The following SUMF1 variants were observed in gnomAD, a reference collection of about 807,000 sequenced individuals.
The protein encoded by SUMF1 is formylglycine-generating enzyme.
In SUMF1, 48 loss-of-function variants were observed where a neutral mutation model predicts 47.6. That is an observed-to-expected ratio of 1.01 (90% CI 0.80 to 1.28). The LOEUF is 1.28. Among genes scored for constraint, SUMF1 ranks in the 50% most tolerant of loss-of-function variants. The probability of loss-of-function intolerance (pLI) is 0.00; values close to 1 mark genes in which losing one functional copy is unlikely to be tolerated. For missense variants in SUMF1, 571 were observed against 485.4 expected, an observed-to-expected ratio of 1.18 and a Z score of -1.66; for synonymous variants, 230 against 192.1, an observed-to-expected ratio of 1.20 and a Z score of -1.63.
chr3:4,053,283 T>C (rs1234006743), intron 9 of SUMF1, among the ~76,000 whole-genome samples: 1 of 152,144 alleles, frequency 6.6e-6, no homozygotes, highest in Non-Finnish European at 1.5e-5. Flanking sequence ...CCGTCTTTTA[T>C]GGACATGGTT....
chr3:4,219,835 C>T (rs1329524498), intron 8 of SUMF1, among the ~76,000 whole-genome samples: 1 of 152,138 alleles, frequency 6.6e-6, no homozygotes, highest in East Asian at 1.9e-4. Flanking sequence ...CAAGCTCTCC[C>T]AAGCTGAATC....
intron 7 of SUMF1, among the ~76,000 whole-genome samples, chr3:4,382,026 A>T (rs1700519578): frequency 6.6e-6 from 1 of 152,178 alleles, no homozygotes. Context: ...AGCCTAGACA[A>T]CAGGAATGAG....
intron 8 of SUMF1, among the ~76,000 whole-genome samples, chr3:4,279,428 C>G (rs1379366896): frequency 1.1e-4 from 16 of 152,128 alleles, no homozygotes; most frequent in Admixed American, 1.0e-3. Context: ...TTATGACACA[C>G]AATCATACAA....
chr3:4,181,946 C>T (rs546287057), intron 8 of SUMF1, among the ~76,000 whole-genome samples: 1 of 152,260 alleles, frequency 6.6e-6, no homozygotes, highest in Admixed American at 6.5e-5. Context: ...AGAACCTGGC[C>T]TTCCAAGTCA....
chr3:4,114,089 G>A (rs1347445527), intron 8 of SUMF1, among the ~76,000 whole-genome samples: 1 of 151,984 alleles, frequency 6.6e-6, no homozygotes, highest in African/African-American at 2.4e-5. Context: ...GTAGAAGGTG[G>A]GAGATGTCCC....
chr3:4,119,346 G>C (rs58692911), intron 8 of SUMF1, among the ~76,000 whole-genome samples: 1 of 151,988 alleles, frequency 6.6e-6, no homozygotes, highest in African/African-American at 2.4e-5. Flanking sequence ...TCATTATCAG[G>C]ATAATTTTCT....
chr3:4,218,894 T>G (rs1228590855), intron 8 of SUMF1, among the ~76,000 whole-genome samples: 1 of 152,180 alleles, frequency 6.6e-6, no homozygotes, highest in African/African-American at 2.4e-5. Context: ...TGTGGGTTTT[T>G]CTTAAGCTTT....
intron 8 of SUMF1, among the ~76,000 whole-genome samples, chr3:4,213,824 T>C (rs1574984648): frequency 6.6e-6 from 1 of 152,118 alleles, no homozygotes; most frequent in South Asian, 2.1e-4. Context: ...GGCCATTACA[T>C]AATGGTAAAA....
chr3:4,180,683 A>ACACACACACACACACACACACACACAC (rs1553606607), intron 8 of SUMF1, among the ~76,000 whole-genome samples: 6 of 139,642 alleles, frequency 4.3e-5, no homozygotes, highest in African/African-American at 1.4e-4. Context: ...CCTAGAACTT[A>ACACACACACACACACACACACACACAC]ACACACACAC....
At chr3:4,352,932 G>A (rs1283910707) in intron 8 of SUMF1, among the ~76,000 whole-genome samples, 1 of 152,130 alleles carries the variant, frequency 6.6e-6, no homozygotes, top group Non-Finnish European at 1.5e-5. Context: ...AGAAGAGATG[G>A]AGAAAGGCTG....
At chr3:4,109,357 A>G (rs2125068073) in intron 8 of SUMF1, among the ~76,000 whole-genome samples, 1 of 151,870 alleles carries the variant, frequency 6.6e-6, no homozygotes, top group Non-Finnish European at 1.5e-5. Context: ...TGCCCTGAAC[A>G]TTTTTTCCTT....
In SUMF1 at chr3:4,417,071, A is replaced by C. The variant is rs149849182; in HGVS notation, c.840+57T>G. 1,435 of 1,519,798 alleles carry C rather than the reference A, an allele frequency of 9.4e-4. 13 individuals are homozygous for C. In the African/African-American group the frequency reaches 0.017, roughly 18 times the overall value. The allele number at this position is 1,519,798 out of a possible 1,614,324, so 94.1% of individuals were successfully genotyped here. A position where few individuals can be genotyped will look rare whatever the true frequency, so the allele number is the denominator to read the frequency against. ...GAGCAATGCCTTTCACCCCATGTCT[A>C]CTGGGAGCCTCAGTTCTCAGCAGCT... On this transcript the variant is annotated intron_variant, in intron 6 of 8. Coordinates refer to ENST00000272902, the MANE Select transcript of SUMF1 (RefSeq NM_182760.4).
chr3:4,451,687 G>T (rs74283083), intron 2 of SUMF1, among the ~76,000 whole-genome samples: 15,910 of 152,084 alleles, frequency 0.1, 947 homozygotes, highest in East Asian at 0.2. Flanking sequence ...TACAAAAACG[G>T]TTTTTTTGTT....
At chr3:4,349,953 T>A (rs1699454811) in intron 8 of SUMF1, among the ~76,000 whole-genome samples, 1 of 151,996 alleles carries the variant, frequency 6.6e-6, no homozygotes, top group Admixed American at 6.6e-5. Context: ...CCGGTTTTTT[T>A]TTTTAGAAGA....
In SUMF1 at chr3:4,303,660, G is replaced by T. The variant is rs781548638; in HGVS notation, c.1014+72670C>A. 1.3e-3 allele frequency: 1,858 copies of T among 1,461,184 alleles called. 6 individuals carry two copies. Among genetic ancestry groups the T allele is most frequent in the Non-Finnish European group, 1.2e-3 (1,350 of 1,106,434 alleles). 90.5% of individuals were successfully genotyped at this position (1,461,184 alleles called of 1,614,324 possible). A position where few individuals can be genotyped will look rare whatever the true frequency, so the allele number is the denominator to read the frequency against. On this transcript the variant is annotated intron_variant and NMD_transcript_variant, in intron 8 of 12. Coordinates refer to the SUMF1 transcript ENST00000448413. ...TTACAGCGCACCCGTTGGTGCGCGG[G>T]AATAGGTGTGCATGCCCCGGCCTGG...
chr3:4,313,449 A>T (rs1159489771), intron 8 of SUMF1: 2 of 1,613,912 alleles, frequency 1.2e-6, no homozygotes, highest in Non-Finnish European at 1.7e-6. Flanking sequence ...TTCCTGTCCG[A>T]ATTGACTCAA....
intron 9 of SUMF1, among the ~76,000 whole-genome samples, chr3:4,054,289 C>T (rs1420936648): frequency 6.6e-6 from 1 of 152,114 alleles, no homozygotes; most frequent in Non-Finnish European, 1.5e-5. Context: ...AGAAACAAAA[C>T]AGCTTCAATT....
chr3:4,045,832 T>C (rs1351151014), intron 9 of SUMF1, among the ~76,000 whole-genome samples: 2 of 152,056 alleles, frequency 1.3e-5, no homozygotes, highest in Admixed American at 6.6e-5. Context: ...GTATCAGAAG[T>C]CAAGTCTAAA....
chr3:4,202,359 C>G (rs1354154779), intron 8 of SUMF1, among the ~76,000 whole-genome samples: 1 of 151,824 alleles, frequency 6.6e-6, no homozygotes, highest in African/African-American at 2.4e-5. Context: ...ATTGAAGAGA[C>G]TGTCCTTCCC....
Sources: allele counts gnomAD v4.1 joint callset (sites outside exome capture counted in the v4.1 genomes callset), GRCh38; gene constraint gnomAD v4.1.1; transcripts MANE v1.5; gene names NCBI Gene and HGNC (gene_info 2026-07-23, HGNC 2026-07-21).